The following SBNO2 variants were observed in gnomAD, a reference collection of about 807,000 sequenced individuals.
SBNO2 encodes protein strawberry notch homolog 2.
SBNO2 carries 89 observed loss-of-function variants against 146.3 expected under a neutral mutation model. The observed-to-expected ratio is 0.61, with a 90% CI of 0.51 to 0.73. The LOEUF is 0.73. SBNO2 is among the 30% of genes least tolerant of loss of function. The pLI is 0.00. For missense variants in SBNO2, 2,092 were observed against 2,003.7 expected, an observed-to-expected ratio of 1.04 and a Z score of -0.84; for synonymous variants, 1,147 against 892.6, an observed-to-expected ratio of 1.29 and a Z score of -5.08.
At chr19:1,142,058 ACCCTC>A (rs2080143206) in intron 4 of SBNO2, among the ~76,000 whole-genome samples, 1 of 149,530 alleles carries the variant, frequency 6.7e-6, no homozygotes, top group African/African-American at 2.5e-5. Flanking sequence ...CTCACGATCA[ACCCTC>A]CCCTCAATGG....
intron 4 of SBNO2, among the ~76,000 whole-genome samples, chr19:1,130,408 G>A (rs976029813): frequency 7.2e-5 from 11 of 151,858 alleles, no homozygotes; most frequent in Admixed American, 5.9e-4. Flanking sequence ...AGGAGGATCC[G>A]TTGAGCCCAG....
intron 4 of SBNO2, chr19:1,128,259 C>G (rs112872546): frequency 0.014 from 7,042 of 486,504 alleles, 86 homozygotes; most frequent in Non-Finnish European, 0.022. Context: ...CTGAGCAGCT[C>G]GGGTCTGGGG....
chr19:1,125,380 G>T (rs1270097178), intron 5 of SBNO2, among the ~76,000 whole-genome samples: 2 of 131,502 alleles, frequency 1.5e-5, no homozygotes, highest in African/African-American at 3.1e-5. Flanking sequence ...AAAAAAAAAA[G>T]TGAGCGTGGG....
At position 1,117,370 on chromosome 19, in the gene SBNO2, C is replaced by A; in HGVS notation, c.1657G>T (p.Val553Leu). The A allele has an allele frequency of 6.3e-7, 1 of 1,585,048 alleles. No homozygotes were observed. The highest frequency in any genetic ancestry group is 1.3e-5 in the African/African-American group (1 of 74,374). Residue 553 changes from valine (V) to leucine (L), a missense_variant, in exon 15 of 32, where the codon GTG (valine) becomes TTG (leucine). By Grantham distance (32) the Val-to-Leu change is conservative. Coordinates refer to ENST00000361757, the MANE Select transcript of SBNO2 (RefSeq NM_014963.3). ...FFKYLCIAAK[V>L]RRLVELAREE... The stretch of plus-strand genomic sequence containing the variant: ...CGGGCCAGCTCCACCAGCCGGCGCA[C>A]CTTGGCTGCGATGCACAGATACTTG...
In SBNO2 at chr19:1,117,435, G is replaced by C; in HGVS notation, c.1592C>G (p.Ser531Cys). 6.3e-7 allele frequency: 1 copy of C among 1,589,604 alleles called. No individual in the cohort carries two copies. The highest frequency in any genetic ancestry group is 1.1e-5 in the South Asian group (1 of 87,128). ...ADWIGLESRK[S>C]LWGQFWSAHQ... ...TGCCGACCAGAACTGGCCCCACAGG[G>C]ACTTGCGCGACTCCAGGCCGATCCA... The change falls in exon 15 of 32, where the codon TCC becomes TGC. Residue 531 changes from serine (S) to cysteine (C), a missense_variant. Coordinates refer to ENST00000361757, the MANE Select transcript of SBNO2 (RefSeq NM_014963.3).
chr19:1,134,337 GGGTGGACCCTCAGCTCCCA>G (rs2080066539), intron 4 of SBNO2, among the ~76,000 whole-genome samples: 1 of 148,696 alleles, frequency 6.7e-6, no homozygotes, highest in South Asian at 2.1e-4. Flanking sequence ...CACAGCTCCC[GGGTGGACCCTCAGCTCCCA>G]GGTGGACCCA....
chr19:1,149,355 G>C lies in SBNO2; in HGVS notation c.167+14C>G, dbSNP rs1568619171. 4.5e-6 allele frequency: 7 copies of C among 1,550,282 alleles called. No homozygotes were observed. Among genetic ancestry groups the C allele is most frequent in the Non-Finnish European group, 6.1e-6 (7 of 1,146,666 alleles). On this transcript the variant is annotated intron_variant, in intron 3 of 31. Coordinates refer to ENST00000361757, the MANE Select transcript of SBNO2 (RefSeq NM_014963.3). ...CAAGCCTGGGGGCCAGGCGGGGAGG[G>C]TCCCGGTACTCACCGGCTGTCGCTG...
In SBNO2 at chr19:1,136,378, G is replaced by A. The variant is rs1048458056; in HGVS notation, c.280-8613C>T. Among the ~76,000 whole-genome samples the A allele has an allele frequency of 7.9e-5, 12 of 152,220 alleles. No individual in the cohort carries two copies. Among genetic ancestry groups the A allele is most frequent in the Non-Finnish European group, 2.9e-5 (2 of 68,032 alleles). ...GGTGCCTGGTATGGGCCCTGGGGCC[G>A]CCGCCTCAGTGTCTTCTGGTGCTGC... is the stretch of plus-strand genomic sequence containing the variant. On this transcript the variant is annotated intron_variant, in intron 4 of 31. Transcript: ENST00000361757. This position sits in a 1 kb window ranked among gnomAD's most constrained non-coding sequence, Gnocchi z 4.2.
At chr19:1,152,102 G>A (rs2080247726) in intron 2 of SBNO2, among the ~76,000 whole-genome samples, 4 of 152,242 alleles carry the variant, frequency 2.6e-5, no homozygotes, top group African/African-American at 7.2e-5. Context: ...GGTGGGATGA[G>A]CCTCACACAC....
chr19:1,114,489 G>A (rs1383075919), intron 17 of SBNO2, 67 bp from the exon 18 acceptor site: 42 of 1,342,450 alleles, frequency 3.1e-5, no homozygotes, highest in Non-Finnish European at 3.4e-5. Flanking sequence ...TGGAGGAGAC[G>A]CAGCAGGACA....
rs573335191 is a variant in SBNO2 at position 1,171,562 on chromosome 19, G to A, written c.-127+2610C>T. 2.0e-5 allele frequency among the ~76,000 whole-genome samples: 3 copies of A among 152,300 alleles called. No homozygotes were observed. In the South Asian group the frequency reaches 6.2e-4, roughly 32 times the overall value. On this transcript the variant is annotated intron_variant, in intron 1 of 31. Coordinates refer to ENST00000361757, the MANE Select transcript of SBNO2 (RefSeq NM_014963.3). ...CCCCCAGCATGGGGGCCCCCTGGGA[G>A]GGGGCCTCTGGGAGCCGGACTGGTT...
intron 4 of SBNO2, among the ~76,000 whole-genome samples, chr19:1,145,096 C>T (rs143165520): frequency 0.013 from 1,978 of 148,386 alleles, 26 homozygotes; most frequent in Non-Finnish European, 0.022. Flanking sequence ...GGGAGATAGG[C>T]AGAGAGAGAT....
At chr19:1,111,761 G>A in intron 23 of SBNO2, 147 bp from the exon 24 acceptor site, 2 of 612,234 alleles carry the variant, frequency 3.3e-6, no homozygotes, top group Non-Finnish European at 5.3e-6. Context: ...CCAGCTCTCA[G>A]CCACCTCCTC....
intron 1 of SBNO2, among the ~76,000 whole-genome samples, chr19:1,172,775 A>ACACC (rs2080490849): frequency 2.5e-5 from 1 of 39,606 alleles, no homozygotes; most frequent in Non-Finnish European, 3.8e-5. Context: ...ACTCACTGCA[A>ACACC]CCGCCCCCCC....
chr19:1,142,357 G>T (rs1453301991), intron 4 of SBNO2, among the ~76,000 whole-genome samples: 1 of 147,540 alleles, frequency 6.8e-6, no homozygotes, highest in African/African-American at 2.5e-5. Flanking sequence ...GGAGTCCACT[G>T]GCCCCAGGCA....
At chr19:1,154,129 G>A (rs773375555) in intron 2 of SBNO2, 55 bp downstream of exon 2, 310 of 886,154 alleles carry the variant, frequency 3.5e-4, no homozygotes, top group Middle Eastern at 7.8e-4. Flanking sequence ...CACTCGGAGC[G>A]GGGCAAGTGC....
Position 1,108,333 on chromosome 19 carries a change from C to A in SBNO2, c.3988G>T (p.Glu1330Ter). The change falls in exon 32 of 32, where the codon GAG becomes TAG. Residue 1330 changes from glutamate (E) to a stop codon, truncating the protein, a stop_gained. Coordinates refer to ENST00000361757, the MANE Select transcript of SBNO2 (RefSeq NM_014963.3). LOFTEE classifies it low-confidence loss of function (END_TRUNC). ...CCCGCGCCCTCCCCCAGCGCGCCCT[C>A]GGAGGGCGGCCCCGCGTGCAGCGAG... ...LRSLHAGPPSEGALGEGAGAG... is the reference protein window; with the variant it reads ...LRSLHAGPPS 7.4e-7 allele frequency: 1 copy of A among 1,353,832 alleles called. No individual in the cohort carries two copies. Among genetic ancestry groups the A allele is most frequent in the Non-Finnish European group, 9.5e-7 (1 of 1,051,180 alleles). 83.9% of individuals were successfully genotyped at this position (1,353,832 alleles called of 1,614,324 possible). A position where few individuals can be genotyped will look rare whatever the true frequency, so the allele number is the denominator to read the frequency against.
rs553555395 is a variant in SBNO2 at position 1,137,096 on chromosome 19, C to T, written c.280-9331G>A. Among the ~76,000 whole-genome samples the T allele has an allele frequency of 4.8e-4, 71 of 147,850 alleles. 1 individual carries two copies. The highest frequency in any genetic ancestry group is 7.5e-4 in the Non-Finnish European group (50 of 67,002). On this transcript the variant is annotated intron_variant, in intron 4 of 31. Coordinates refer to ENST00000361757, the MANE Select transcript of SBNO2 (RefSeq NM_014963.3). ...GGAGCACCCCCACCCCAGGAACAGG[C>T]GGCAAGGGATGGGCGAGGGGCAGTG...
rs1039777964 is a variant in SBNO2 at position 1,150,205 on chromosome 19, T to C, written c.94-763A>G. ...ATGGTTCTCTGGGAAAACCTCACTATGCCTGCCCTTGGGAATGAGAGCGGC... is the reference window on the plus strand; with the variant it reads ...ATGGTTCTCTGGGAAAACCTCACTACGCCTGCCCTTGGGAATGAGAGCGGC... On this transcript the variant is annotated intron_variant, in intron 2 of 31. Coordinates refer to ENST00000361757, the MANE Select transcript of SBNO2 (RefSeq NM_014963.3). This position sits in a 1 kb window ranked among gnomAD's most constrained non-coding sequence, Gnocchi z 6.2. Among the ~76,000 whole-genome samples, 5 of 152,120 alleles carry C rather than the reference T, an allele frequency of 3.3e-5. No individual in the cohort carries two copies. Among genetic ancestry groups the C allele is most frequent in the Admixed American group, 2.6e-4 (4 of 15,272 alleles).
Sources: allele counts gnomAD v4.1 joint callset (sites outside exome capture counted in the v4.1 genomes callset), GRCh38; gene constraint gnomAD v4.1.1; non-coding constraint Gnocchi (gnomAD v3.1); transcripts MANE v1.5; gene names NCBI Gene and HGNC (gene_info 2026-07-23, HGNC 2026-07-21).